Variants in HIVEP2 observed in about 807,000 individuals in gnomAD.
HIVEP2 encodes HIVEP zinc finger 2.
Under a neutral mutation model 180.7 loss-of-function variants are expected in HIVEP2, and 14 were observed. That is an observed-to-expected ratio of 0.08 (90% CI 0.05 to 0.12). The LOEUF (loss-of-function observed/expected upper bound fraction) is 0.12. Among genes scored for constraint, HIVEP2 ranks in the 10% least tolerant of loss-of-function variants. The pLI is 1.00. For missense variants in HIVEP2, 2,579 were observed against 3,008.5 expected (o/e 0.86, Z 3.34); for synonymous variants, 1,184 against 1,136.4 (o/e 1.04, Z -0.84).
At position 142,771,329 on chromosome 6, in the gene HIVEP2, T is replaced by C; in HGVS notation, c.3410A>G (p.Lys1137Arg). The C allele has an allele frequency of 1.2e-6, 2 of 1,613,158 alleles. No individual in the cohort carries two copies. The highest frequency in any genetic ancestry group is 1.7e-5 in the Admixed American group (1 of 60,030). The change falls in exon 5 of 10, where the codon AAG (lysine) becomes AGG (arginine). Residue 1137 changes from lysine (K) to arginine (R), a missense_variant. Around this residue, in one of 11 missense-constraint regions of HIVEP2, gnomAD observed 523 missense variants for 577.0 expected, o/e 0.91. Coordinates refer to ENST00000367603, the MANE Select transcript of HIVEP2 (RefSeq NM_006734.4). The surrounding 1 kb of genome is among the most constrained non-coding windows in gnomAD (Gnocchi z 5.4). ...CGGGGGACAAGGACCCGCCACCTGCTTCCCTGGGTCCTCTTGCTGAAGAGG... is the reference window on the plus strand; with the variant it reads ...CGGGGGACAAGGACCCGCCACCTGCCTCCCTGGGTCCTCTTGCTGAAGAGG... ...LPPLQQEDPG[K>R]QVAGPCPPLS...
chr6:142,758,993 G>A (rs556518873), intron 9 of HIVEP2, among the ~76,000 whole-genome samples: 212 of 152,172 alleles, frequency 1.4e-3, no homozygotes, highest in Non-Finnish European at 2.7e-3. Context: ...GGGCAAGGTA[G>A]AGTTTATTAA....
chr6:142,796,874 A>G (rs557107681), intron 2 of HIVEP2, among the ~76,000 whole-genome samples: 6 of 152,272 alleles, frequency 3.9e-5, no homozygotes, highest in African/African-American at 1.4e-4. Context: ...GATGCTTGCA[A>G]CACTTGAGCT....
intron 9 of HIVEP2, among the ~76,000 whole-genome samples, chr6:142,756,091 A>C (rs1394033162): frequency 6.6e-6 from 1 of 152,256 alleles, no homozygotes; most frequent in Non-Finnish European, 1.5e-5. Flanking sequence ...TGTTAAGTGC[A>C]TATGTATGTA....
intron 1 of HIVEP2, among the ~76,000 whole-genome samples, chr6:142,873,432 A>G (rs929203623): frequency 1.3e-5 from 2 of 152,194 alleles, no homozygotes; most frequent in Non-Finnish European, 2.9e-5. Flanking sequence ...TTGAACACCA[A>G]TACTATTGAC....
chr6:142,906,042 G>A (rs1777257117), intron 1 of HIVEP2, among the ~76,000 whole-genome samples: 1 of 152,186 alleles, frequency 6.6e-6, no homozygotes, highest in Non-Finnish European at 1.5e-5. Context: ...GCTGAGGCAG[G>A]AGAACTGCTT....
intron 5 of HIVEP2, among the ~76,000 whole-genome samples, chr6:142,769,254 G>A (rs1305820326): frequency 6.6e-6 from 1 of 152,134 alleles, no homozygotes; most frequent in Non-Finnish European, 1.5e-5. Context: ...AGGTCAGAAG[G>A]AAAATAACCC....
intron 3 of HIVEP2, among the ~76,000 whole-genome samples, chr6:142,778,318 T>C (rs1775757338): frequency 6.6e-6 from 1 of 152,208 alleles, no homozygotes; most frequent in African/African-American, 2.4e-5. Context: ...AGACACAATG[T>C]TGAATCTAAA....
intron 1 of HIVEP2, among the ~76,000 whole-genome samples, chr6:142,843,169 C>A (rs919382519): frequency 2.6e-5 from 4 of 152,130 alleles, no homozygotes; most frequent in Non-Finnish European, 5.9e-5. Context: ...CGAAAGTCTA[C>A]GTGGAACCCC....
rs1156346277 is a variant in HIVEP2, at chr6:142,762,883, A to G, written c.5519-1318T>C. On this transcript the variant is annotated intron_variant, in intron 7 of 9. Transcript: ENST00000367603. ...ATATTTCCAGGCCCCCACTCCTCCT[A>G]TTTATCAAAACTTATATCTACCATT... Among the ~76,000 whole-genome samples the G allele has an allele frequency of 4.6e-5, 7 of 152,298 alleles. No homozygotes were observed. In the South Asian group the frequency reaches 1.4e-3, roughly 32 times the overall value.
At chr6:142,918,335 C>T (rs184778148) in intron 1 of HIVEP2, among the ~76,000 whole-genome samples, 1 of 152,348 alleles carries the variant, frequency 6.6e-6, no homozygotes, top group East Asian at 1.9e-4. Context: ...CCTGAGCCAT[C>T]GCTCACAGCC....
At position 142,912,495 on chromosome 6, in the gene HIVEP2, A is replaced by G. The variant is rs193174328; in HGVS notation, c.-641+32604T>C. On this transcript the variant is annotated intron_variant, in intron 1 of 9. Transcript: ENST00000367603. ...TGGCTTGATAGCTACGTGCACATCC[A>G]TCTCCTCTACAGTCAGCTTCTCAAG... Among the ~76,000 whole-genome samples the G allele has an allele frequency of 9.2e-5, 14 of 152,112 alleles. No individual in the cohort carries two copies. The East Asian group carries it at 2.3e-3, about 25-fold the overall frequency.
intron 1 of HIVEP2, among the ~76,000 whole-genome samples, chr6:142,877,730 G>C (rs373679649): frequency 2.6e-5 from 4 of 152,082 alleles, no homozygotes; most frequent in South Asian, 2.1e-4. Context: ...GAAAAATTAG[G>C]AGACTTCCTG....
At chr6:142,856,902 C>G (rs1047957503) in intron 1 of HIVEP2, among the ~76,000 whole-genome samples, 4 of 152,154 alleles carry the variant, frequency 2.6e-5, no homozygotes, top group African/African-American at 9.7e-5. Context: ...CCTGGACTTC[C>G]GTGTAAGGTA....
chr6:142,795,404 C>T (rs1473798039), intron 2 of HIVEP2, among the ~76,000 whole-genome samples: 2 of 151,916 alleles, frequency 1.3e-5, no homozygotes, highest in Non-Finnish European at 2.9e-5. Flanking sequence ...CACAGATTTT[C>T]ATCAAAACAA....
chr6:142,885,744 C>A (rs187724612), intron 1 of HIVEP2, among the ~76,000 whole-genome samples: 3 of 152,262 alleles, frequency 2.0e-5, no homozygotes, highest in Non-Finnish European at 4.4e-5. Context: ...ACAGACATAA[C>A]CACAGAAAGC....
chr6:142,896,149 T>C (rs1244134798), intron 1 of HIVEP2, among the ~76,000 whole-genome samples: 1 of 152,216 alleles, frequency 6.6e-6, no homozygotes, highest in Non-Finnish European at 1.5e-5. Context: ...CAGATTACTA[T>C]ATGTGGGTCT....
At chr6:142,769,230 T>C (rs1251313655) in intron 5 of HIVEP2, among the ~76,000 whole-genome samples, 1 of 152,196 alleles carries the variant, frequency 6.6e-6, no homozygotes, top group Non-Finnish European at 1.5e-5. Flanking sequence ...TTAGACCTGC[T>C]AGGTCACTCA....
Position 142,759,952 on chromosome 6 carries a change from A to T in HIVEP2, c.6336T>A (p.Ser2112=). The change falls in exon 9 of 10, where the codon TCT becomes TCA. Residue 2112 remains serine, a synonymous_variant. Coordinates refer to ENST00000367603, the MANE Select transcript of HIVEP2 (RefSeq NM_006734.4). The part of the protein sequence containing the change: ...QRDVSPRRHL[S]PRRPVSPGKD... ...TCCCAGGAGACACTGGCCTCCTTGG[A>T]GACAAATGCCTTCTTGGTGAAACAT... 1.2e-6 allele frequency: 2 copies of T among 1,613,950 alleles called. No homozygotes were observed. The highest frequency in any genetic ancestry group is 1.7e-6 in the Non-Finnish European group (2 of 1,179,974).
At chr6:142,761,402 C>G in intron 8 of HIVEP2, 62 bp downstream of exon 8, 1 of 777,502 alleles carries the variant, frequency 1.3e-6, no homozygotes, top group Non-Finnish European at 2.3e-6. Context: ...TTTACTACCT[C>G]AGCCACAGAG....
Sources: allele counts gnomAD v4.1 joint callset (sites outside exome capture counted in the v4.1 genomes callset), GRCh38; gene constraint gnomAD v4.1.1; regional missense constraint gnomAD v4.1.1; non-coding constraint Gnocchi (gnomAD v3.1); transcripts MANE v1.5; gene names NCBI Gene and HGNC (gene_info 2026-07-23, HGNC 2026-07-21).